Variants in CNTN4 observed in about 807,000 individuals in gnomAD.
The protein encoded by CNTN4 is contactin-4.
A neutral mutation model predicts 122.5 loss-of-function variants in CNTN4; 77 were observed. The ratio of observed to expected loss-of-function variants is 0.63; its 90% CI spans 0.52 to 0.76. The LOEUF (loss-of-function observed/expected upper bound fraction) is 0.76, where lower values mean the gene tolerates loss of function less well. Among genes scored for constraint, CNTN4 ranks in the 30% least tolerant of loss-of-function variants. CNTN4 has a pLI of 0.00. For synonymous variants in CNTN4, 512 were observed against 447.0 expected, an observed-to-expected ratio of 1.15 and a Z score of -1.83; for missense variants, 1,256 against 1,259.1, an observed-to-expected ratio of 1.00 and a Z score of 0.04.
chr3:2,926,602 T>C (rs1487195300), intron 13 of CNTN4, among the ~76,000 whole-genome samples: 3 of 152,200 alleles, frequency 2.0e-5, no homozygotes, highest in South Asian at 2.1e-4. Flanking sequence ...ATAATGATTT[T>C]AATTAATGCT....
intron 3 of CNTN4, among the ~76,000 whole-genome samples, chr3:2,428,110 CATT>C (rs2047914120): frequency 2.0e-5 from 3 of 152,274 alleles, no homozygotes; most frequent in African/African-American, 7.2e-5. Context: ...TTGATCCTGT[CATT>C]ATGATGTTAG....
intron 10 of CNTN4, among the ~76,000 whole-genome samples, chr3:2,895,589 G>A (rs1277762107): frequency 2.0e-5 from 3 of 152,156 alleles, no homozygotes; most frequent in Non-Finnish European, 2.9e-5. Context: ...CCATACCATT[G>A]CCAGAAGCAA....
intron 2 of CNTN4, among the ~76,000 whole-genome samples, chr3:2,338,059 A>G (rs1442027697): frequency 6.6e-6 from 1 of 152,114 alleles, no homozygotes; most frequent in Non-Finnish European, 1.5e-5. Flanking sequence ...TAATGTGAAT[A>G]TATAATTTTT....
chr3:2,548,538 C>G (rs1369365151), intron 3 of CNTN4, among the ~76,000 whole-genome samples: 1 of 152,022 alleles, frequency 6.6e-6, no homozygotes, highest in Admixed American at 6.6e-5. Context: ...GTCTATATAT[C>G]CTTTTTGTTA....
At chr3:2,304,532 T>C (rs901670327) in intron 2 of CNTN4, among the ~76,000 whole-genome samples, 1 of 152,080 alleles carries the variant, frequency 6.6e-6, no homozygotes, top group African/African-American at 2.4e-5. Flanking sequence ...GTTATATCAC[T>C]TATGAGGAAG....
intron 2 of CNTN4, among the ~76,000 whole-genome samples, chr3:2,299,025 T>G (rs201480845): frequency 4.4e-4 from 66 of 151,408 alleles, no homozygotes; most frequent in African/African-American, 1.4e-3. Flanking sequence ...TGTCGGGGGG[T>G]TTTTAGCTTC....
intron 2 of CNTN4, among the ~76,000 whole-genome samples, chr3:2,267,664 C>G (rs1182953453): frequency 6.6e-6 from 1 of 151,948 alleles, no homozygotes; most frequent in Non-Finnish European, 1.5e-5. Flanking sequence ...TTTTGGTTGA[C>G]CATGCTAATT....
intron 3 of CNTN4, among the ~76,000 whole-genome samples, chr3:2,490,777 C>T (rs1048759968): frequency 3.3e-5 from 5 of 152,270 alleles, no homozygotes; most frequent in South Asian, 2.1e-4. Context: ...TTTCAAATCA[C>T]GCCCACCCTT....
intron 3 of CNTN4, among the ~76,000 whole-genome samples, chr3:2,513,387 G>C (rs1458053011): frequency 6.6e-6 from 1 of 151,920 alleles, no homozygotes; most frequent in Non-Finnish European, 1.5e-5. Context: ...GGGATTTATG[G>C]ATTTTTCTGT....
chr3:2,662,040 A>G (rs1234662410), intron 4 of CNTN4, among the ~76,000 whole-genome samples: 1 of 152,210 alleles, frequency 6.6e-6, no homozygotes. Flanking sequence ...AAAAACACTT[A>G]TCAAGTGCTG....
Position 2,789,635 on chromosome 3 carries a change from T to C in CNTN4, c.359-29851T>C, listed in dbSNP as rs544549106. ...TTTAGTAGATGGAATTTCACCATGT[T>C]GGCCAGGCTGGTCTGAAACTCCTGA... On this transcript the variant is annotated intron_variant, in intron 6 of 24. Coordinates refer to ENST00000418658, the MANE Select transcript of CNTN4 (RefSeq NM_175607.3). Among the ~76,000 whole-genome samples the C allele has an allele frequency of 1.1e-3, 175 of 152,316 alleles. 3 individuals are homozygous for C. The highest frequency in any genetic ancestry group is 3.7e-3 in the African/African-American group (155 of 41,570).
intron 3 of CNTN4, among the ~76,000 whole-genome samples, chr3:2,456,986 C>G (rs2049029799): frequency 6.6e-6 from 1 of 152,112 alleles, no homozygotes. Flanking sequence ...ATTATTATCT[C>G]TGTTTTACGA....
chr3:2,675,949 C>T (rs2084822225), intron 4 of CNTN4, among the ~76,000 whole-genome samples: 1 of 152,156 alleles, frequency 6.6e-6, no homozygotes, highest in South Asian at 2.1e-4. Context: ...TTAAACAACT[C>T]AGATAAAATA....
chr3:2,745,688 C>T lies in CNTN4; in HGVS notation c.349C>T (p.Gln117Ter), dbSNP rs1427137099. ...AATTGTTAGCAGAGAAGCAAAGCTT[C>T]AGTTTGCTTGTAAGTAGCAATTATA... The part of the protein sequence containing the change: ...GTIVSREAKL[Q>*]FAYLDNFKTR... The change falls in exon 6 of 25, where the codon CAG (glutamine) becomes TAG (stop). Residue 117 changes from glutamine (Q) to a stop codon, truncating the protein, a stop_gained. Coordinates refer to ENST00000418658, the MANE Select transcript of CNTN4 (RefSeq NM_175607.3). LOFTEE classifies it high-confidence loss of function. 1 of 1,613,962 alleles carries T rather than the reference C, an allele frequency of 6.2e-7. No individual in the cohort carries two copies. Among genetic ancestry groups the T allele is most frequent in the Non-Finnish European group, 8.5e-7 (1 of 1,179,832 alleles).
At chr3:2,401,757 AG>A (rs2046867354) in intron 3 of CNTN4, among the ~76,000 whole-genome samples, 1 of 152,152 alleles carries the variant, frequency 6.6e-6, no homozygotes, top group Admixed American at 6.6e-5. Flanking sequence ...ATTGCTCTTC[AG>A]ATAGGCTGCT....
intron 4 of CNTN4, among the ~76,000 whole-genome samples, chr3:2,573,477 C>G (rs532266856): frequency 2.6e-5 from 4 of 152,178 alleles, no homozygotes; most frequent in Admixed American, 6.5e-5. Context: ...ATTCGACTGA[C>G]ACTTTAGAGT....
chr3:2,615,979 G>A (rs2081709018), intron 4 of CNTN4, among the ~76,000 whole-genome samples: 1 of 149,536 alleles, frequency 6.7e-6, no homozygotes, highest in Non-Finnish European at 1.5e-5. Flanking sequence ...AATTACAGTA[G>A]ATTATTTGGC....
chr3:2,508,505 T>C (rs1432424353), intron 3 of CNTN4, among the ~76,000 whole-genome samples: 4 of 152,160 alleles, frequency 2.6e-5, no homozygotes, highest in Non-Finnish European at 5.9e-5. Context: ...TGCCCCTAGA[T>C]TTGCTGAGGT....
At chr3:2,651,953 C>T (rs926856708) in intron 4 of CNTN4, among the ~76,000 whole-genome samples, 6 of 151,672 alleles carry the variant, frequency 4.0e-5, no homozygotes, top group Non-Finnish European at 7.4e-5. Flanking sequence ...GTGATCCACC[C>T]GCCTTGGCCT....
Sources: gnomAD v4.1 joint callset for allele counts (sites outside exome capture counted in the v4.1 genomes callset) on GRCh38, gnomAD v4.1.1 for gene constraint, MANE v1.5 for transcripts, NCBI Gene and HGNC (gene_info 2026-07-23, HGNC 2026-07-21) for gene names.